Variants in IL1RAPL2 observed in about 807,000 individuals in gnomAD.
The protein encoded by IL1RAPL2 is interleukin 1 receptor accessory protein like 2, also known as X-linked interleukin-1 receptor accessory protein-like 2.
A neutral mutation model predicts 44.1 loss-of-function variants in IL1RAPL2; 3 were observed. The ratio of observed to expected loss-of-function variants is 0.07; its 90% CI spans 0.03 to 0.18. The LOEUF is 0.18. Ranked by LOEUF, IL1RAPL2 falls within the 10% of genes least tolerant of loss-of-function variation. The pLI is 1.00. For synonymous variants in IL1RAPL2, 181 were observed against 178.8 expected (o/e 1.01, Z -0.10); for missense variants, 391 against 496.4 (o/e 0.79, Z 2.02).
At chrX:104,674,308 AG>A (rs1930691219) in intron 2 of IL1RAPL2, among the ~76,000 whole-genome samples, 2 of 111,750 alleles carry the variant, frequency 1.8e-5, no homozygotes, top group South Asian at 3.7e-4. Flanking sequence ...TTTAGCATGA[AG>A]GGTTGTTGAA....
At chrX:105,417,694 A>G (rs745669306) in intron 5 of IL1RAPL2, among the ~76,000 whole-genome samples, 1 of 111,545 alleles carries the variant, frequency 9.0e-6, no homozygotes, top group South Asian at 3.7e-4. Flanking sequence ...TTTTTGAATG[A>G]GTAAATGGCA....
intron 2 of IL1RAPL2, among the ~76,000 whole-genome samples, chrX:105,045,453 G>C (rs1051936721): frequency 2.7e-5 from 3 of 112,245 alleles, no homozygotes; most frequent in African/African-American, 9.7e-5. Flanking sequence ...GTTGGATGTT[G>C]TTTACTTTGG....
chrX:105,699,876 T>A (rs1208526435), intron 6 of IL1RAPL2, among the ~76,000 whole-genome samples: 2 of 112,008 alleles, frequency 1.8e-5, no homozygotes, highest in African/African-American at 6.5e-5. Flanking sequence ...CAGCTCATGT[T>A]GCAGAGAACA....
intron 1 of IL1RAPL2, among the ~76,000 whole-genome samples, chrX:104,592,145 A>ATGTGTGTGTGTG (rs35940205): frequency 0.014 from 843 of 60,196 alleles, 34 homozygotes; most frequent in Non-Finnish European, 0.021. Context: ...ATGCCCGTAT[A>ATGTGTGTGTGTG]TGTGTGTGTG....
chrX:105,422,490 A>G (rs184567393), intron 5 of IL1RAPL2, among the ~76,000 whole-genome samples: 1 of 112,419 alleles, frequency 8.9e-6, no homozygotes, highest in East Asian at 2.8e-4. Flanking sequence ...CCTGTTATAG[A>G]GGAAAACAGA....
intron 5 of IL1RAPL2, among the ~76,000 whole-genome samples, chrX:105,363,291 T>TAC (rs1347877142): frequency 1.4e-5 from 1 of 70,290 alleles, no homozygotes; most frequent in Non-Finnish European, 2.3e-5. Flanking sequence ...ATATATATAA[T>TAC]ATATATATAT....
intron 2 of IL1RAPL2, among the ~76,000 whole-genome samples, chrX:104,910,407 T>C (rs1018607078): frequency 5.4e-5 from 6 of 112,046 alleles, no homozygotes; most frequent in Non-Finnish European, 1.1e-4. Context: ...CTGTGGTACA[T>C]GTGCAGAATG....
At chrX:105,064,283 T>TC (rs1294424103) in intron 2 of IL1RAPL2, among the ~76,000 whole-genome samples, 1 of 111,780 alleles carries the variant, frequency 8.9e-6, no homozygotes, top group Non-Finnish European at 1.9e-5. Flanking sequence ...CACTTTTCTC[T>TC]CCCCCTTCCA....
chrX:104,697,908 G>C (rs1262784309), intron 2 of IL1RAPL2, among the ~76,000 whole-genome samples: 8 of 112,679 alleles, frequency 7.1e-5, no homozygotes, highest in African/African-American at 2.6e-4. Context: ...ACCTGGTCAT[G>C]GTTTAACTTA....
Position 105,073,304 on chromosome X carries a change from T to C in IL1RAPL2, c.83-122171T>C, listed in dbSNP as rs1206931158. Among the ~76,000 whole-genome samples, 39 of 102,286 alleles carry C rather than the reference T, an allele frequency of 3.8e-4. 3 individuals carry two copies. The highest frequency in any genetic ancestry group is 3.0e-3 in the Admixed American group (28 of 9,276). 88.8% of individuals were successfully genotyped at this position (102,286 alleles called of 115,157 possible). A position where few individuals can be genotyped will look rare whatever the true frequency, so the allele number is the denominator to read the frequency against. On this transcript the variant is annotated intron_variant, in intron 2 of 10. Transcript: ENST00000372582. ...GTGAGAACATGCGGTGTTTGGTTTTTTGTCCTTGCGATAGTTTGCTGAGAA... is the reference window on the plus strand; with the variant it reads ...GTGAGAACATGCGGTGTTTGGTTTTCTGTCCTTGCGATAGTTTGCTGAGAA...
At chrX:105,258,290 G>T (rs2034330906) in intron 4 of IL1RAPL2, among the ~76,000 whole-genome samples, 1 of 111,425 alleles carries the variant, frequency 9.0e-6, no homozygotes, top group East Asian at 2.8e-4. Flanking sequence ...AGTTTCAGCT[G>T]GGAGGTCTGC....
intron 5 of IL1RAPL2, among the ~76,000 whole-genome samples, chrX:105,482,498 A>T (rs186844818): frequency 1.8e-5 from 2 of 111,790 alleles, no homozygotes; most frequent in Non-Finnish European, 3.8e-5. Context: ...TGTTGGAAAA[A>T]TGAAGGCAAT....
intron 2 of IL1RAPL2, among the ~76,000 whole-genome samples, chrX:104,859,783 T>C (rs185327416): frequency 3.1e-4 from 35 of 112,290 alleles, no homozygotes; most frequent in Admixed American, 2.7e-3. Flanking sequence ...ACAACATATG[T>C]AATATAGTTT....
intron 10 of IL1RAPL2, among the ~76,000 whole-genome samples, chrX:105,764,541 C>G (rs1294876892): frequency 8.9e-6 from 1 of 111,921 alleles, no homozygotes; most frequent in Admixed American, 9.5e-5. Context: ...TTTCTAAAAG[C>G]ATAGTTTAAA....
chrX:104,631,800 A>G (rs1929656161), intron 1 of IL1RAPL2, among the ~76,000 whole-genome samples: 1 of 109,872 alleles, frequency 9.1e-6, no homozygotes, highest in Non-Finnish European at 1.9e-5. Flanking sequence ...TTGCCTGTTC[A>G]CTCTGATGGT....
At chrX:105,763,091 C>A (rs781514493) in intron 10 of IL1RAPL2, among the ~76,000 whole-genome samples, 2 of 111,676 alleles carry the variant, frequency 1.8e-5, no homozygotes, top group East Asian at 5.6e-4. Context: ...AACCCAACCA[C>A]CCTCCTTGGT....
intron 2 of IL1RAPL2, among the ~76,000 whole-genome samples, chrX:105,031,661 G>A (rs1318711898): frequency 9.0e-6 from 1 of 111,622 alleles, no homozygotes; most frequent in Non-Finnish European, 1.9e-5. Flanking sequence ...TTTTATTGAG[G>A]ATTTTTGCAT....
At chrX:104,888,490 T>C (rs1341412365) in intron 2 of IL1RAPL2, among the ~76,000 whole-genome samples, 1 of 111,426 alleles carries the variant, frequency 9.0e-6, no homozygotes, top group Non-Finnish European at 1.9e-5. Context: ...TAAAATGATC[T>C]CATCTTCCAG....
intron 2 of IL1RAPL2, among the ~76,000 whole-genome samples, chrX:105,078,687 C>T (rs1178495242): frequency 2.7e-5 from 3 of 109,585 alleles, no homozygotes; most frequent in Non-Finnish European, 5.7e-5. Context: ...CCACCCAGTT[C>T]GAGCTTCCTG....
Sources: allele counts gnomAD v4.1 joint callset (sites outside exome capture counted in the v4.1 genomes callset), GRCh38; gene constraint gnomAD v4.1.1; transcripts MANE v1.5; gene names NCBI Gene and HGNC (gene_info 2026-07-23, HGNC 2026-07-21).